The following KCND2 variants were observed in gnomAD, a reference collection of about 807,000 sequenced individuals.
KCND2 encodes the protein potassium voltage-gated channel subfamily D member 2, also known as A-type voltage-gated potassium channel KCND2.
KCND2 carries 16 observed loss-of-function variants against 54.4 expected under a neutral mutation model. The observed-to-expected ratio is 0.29, with a 90% CI of 0.20 to 0.45. The LOEUF is 0.45. KCND2 is among the 20% of genes least tolerant of loss of function. KCND2 has a pLI of 1.00. For missense variants in KCND2, 486 were observed against 824.2 expected (o/e 0.59, Z 5.02); for synonymous variants, 317 against 310.7 (o/e 1.02, Z -0.21).
chr7:120,450,860 TC>T (rs1304921059), intron 1 of KCND2, among the ~76,000 whole-genome samples: 1 of 152,202 alleles, frequency 6.6e-6, no homozygotes, highest in Non-Finnish European at 1.5e-5. Flanking sequence ...CCTCTCCTAC[TC>T]AGCCTTCCCT....
intron 1 of KCND2, among the ~76,000 whole-genome samples, chr7:120,396,706 T>G (rs567349604): frequency 7.9e-5 from 12 of 152,092 alleles, no homozygotes; most frequent in African/African-American, 2.9e-4. Context: ...TGTTATAAAC[T>G]GAATGATTTC....
intron 1 of KCND2, among the ~76,000 whole-genome samples, chr7:120,653,834 C>T (rs1040845728): frequency 6.6e-6 from 1 of 151,988 alleles, no homozygotes; most frequent in Non-Finnish European, 1.5e-5. Flanking sequence ...TGGATATACA[C>T]AAAACACAGT....
intron 1 of KCND2, among the ~76,000 whole-genome samples, chr7:120,672,242 A>G (rs973107723): frequency 6.6e-6 from 1 of 152,068 alleles, no homozygotes; most frequent in South Asian, 2.1e-4. Flanking sequence ...AAAAAAAATC[A>G]TAAAGGAAAA....
At chr7:120,691,934 G>A (rs1792274426) in intron 1 of KCND2, among the ~76,000 whole-genome samples, 1 of 152,174 alleles carries the variant, frequency 6.6e-6, no homozygotes, top group South Asian at 2.1e-4. Context: ...GTTTCAAGGA[G>A]GACCTTGTGG....
At chr7:120,299,343 CTTA>C (rs963049909) in intron 1 of KCND2, among the ~76,000 whole-genome samples, 6 of 152,066 alleles carry the variant, frequency 3.9e-5, no homozygotes, top group Admixed American at 3.9e-4. Context: ...GGAAGTGAGA[CTTA>C]TTGTTACCAG....
chr7:120,506,306 A>G (rs1295533804), intron 1 of KCND2, among the ~76,000 whole-genome samples: 1 of 151,846 alleles, frequency 6.6e-6, no homozygotes, highest in African/African-American at 2.4e-5. Context: ...GCATATAGCC[A>G]AAGACAGTGG....
chr7:120,646,936 GTTC>G (rs1793449890), intron 1 of KCND2, among the ~76,000 whole-genome samples: 1 of 152,132 alleles, frequency 6.6e-6, no homozygotes, highest in Admixed American at 6.5e-5. Context: ...AGAGTCACTT[GTTC>G]TTAAACTTTC....
chr7:120,675,823 G>A (rs988696628), intron 1 of KCND2, among the ~76,000 whole-genome samples: 5 of 150,484 alleles, frequency 3.3e-5, no homozygotes, highest in Non-Finnish European at 7.4e-5. Flanking sequence ...GTTTATAAGT[G>A]AGCATAGTGT....
chr7:120,533,952 T>C (rs186713553), intron 1 of KCND2, among the ~76,000 whole-genome samples: 72 of 152,304 alleles, frequency 4.7e-4, no homozygotes, highest in African/African-American at 1.7e-3. Flanking sequence ...AACCCCCAGA[T>C]GTGTTTGATG....
At chr7:120,533,321 A>T (rs1478027671) in intron 1 of KCND2, among the ~76,000 whole-genome samples, 1 of 152,088 alleles carries the variant, frequency 6.6e-6, no homozygotes, top group African/African-American at 2.4e-5. Context: ...CTCAAAAGCC[A>T]GCTCAAATTT....
At chr7:120,327,679 A>T (rs184316810) in intron 1 of KCND2, among the ~76,000 whole-genome samples, 12 of 152,164 alleles carry the variant, frequency 7.9e-5, no homozygotes, top group Admixed American at 5.2e-4. Flanking sequence ...GGGATGGAAA[A>T]TATGCAAACT....
chr7:120,513,347 T>C (rs1228756082), intron 1 of KCND2, among the ~76,000 whole-genome samples: 2 of 152,162 alleles, frequency 1.3e-5, no homozygotes, highest in Non-Finnish European at 2.9e-5. Flanking sequence ...ATTTTATCAT[T>C]ATTTTTCTTC....
chr7:120,406,550 T>G (rs1266907674), intron 1 of KCND2, among the ~76,000 whole-genome samples: 1 of 152,060 alleles, frequency 6.6e-6, no homozygotes, highest in Non-Finnish European at 1.5e-5. Context: ...AAATAACCTT[T>G]CTTGTCAACA....
chr7:120,646,711 T>C (rs1379815772), intron 1 of KCND2, among the ~76,000 whole-genome samples: 1 of 152,238 alleles, frequency 6.6e-6, no homozygotes, highest in African/African-American at 2.4e-5. Flanking sequence ...AAGTAATAGA[T>C]ATCCTACTAG....
In KCND2 at chr7:120,275,673, G is replaced by A. The variant is rs770073972; in HGVS notation, c.1041G>A (p.Lys347=). ...IFATVMFYAE[K]GSSASKFTSI... ...CTACAGTTATGTTCTACGCAGAGAAGGGGTCTTCGGCTAGCAAGTTCACCA... is the reference window on the plus strand; with the variant it reads ...CTACAGTTATGTTCTACGCAGAGAAAGGGTCTTCGGCTAGCAAGTTCACCA... Residue 347 remains lysine (K), a synonymous_variant, in exon 1 of 6, where the codon AAG becomes AAA. Transcript: ENST00000331113. 11 of 1,603,210 alleles carry A rather than the reference G, an allele frequency of 6.9e-6. No individual in the cohort carries two copies. The highest frequency in any genetic ancestry group is 4.4e-5 in the South Asian group (4 of 91,064).
At chr7:120,564,014 C>A (rs534664591) in intron 1 of KCND2, among the ~76,000 whole-genome samples, 1 of 152,092 alleles carries the variant, frequency 6.6e-6, no homozygotes, top group Non-Finnish European at 1.5e-5. Flanking sequence ...TACTTTTAGA[C>A]ATATACCAGC....
chr7:120,403,644 C>T (rs73217223), intron 1 of KCND2, among the ~76,000 whole-genome samples: 15,742 of 150,974 alleles, frequency 0.1, 858 homozygotes, highest in Admixed American at 0.13. Flanking sequence ...TTTTTTTTAA[C>T]GTAAGACTTA....
chr7:120,595,908 A>C (rs528708535), intron 1 of KCND2, among the ~76,000 whole-genome samples: 2 of 146,004 alleles, frequency 1.4e-5, no homozygotes, highest in South Asian at 4.2e-4. Flanking sequence ...GGAGGGAGGC[A>C]GGCAGGCAGG....
Position 120,300,173 on chromosome 7 carries a change from A to G in KCND2, c.1115+24426A>G, listed in dbSNP as rs540967567. On this transcript the variant is annotated intron_variant, in intron 1 of 5. Coordinates refer to ENST00000331113, the MANE Select transcript of KCND2 (RefSeq NM_012281.3). ...TGGTAAGGGACACAATTTTTTCAGA[A>G]CAGTTTGGAAGAGATTCACTCCATT... Among the ~76,000 whole-genome samples, 131 of 152,258 alleles carry G rather than the reference A, an allele frequency of 8.6e-4. 2 individuals are homozygous for G. Among genetic ancestry groups the G allele is most frequent in the Non-Finnish European group, 2.1e-4 (14 of 67,996 alleles).
Sources: allele counts gnomAD v4.1 joint callset (sites outside exome capture counted in the v4.1 genomes callset), GRCh38; gene constraint gnomAD v4.1.1; transcripts MANE v1.5; gene names NCBI Gene and HGNC (gene_info 2026-07-23, HGNC 2026-07-21).